SAP18: variants seen among roughly 807,000 people sequenced by gnomAD.
The protein encoded by SAP18 is Sin3A associated protein 18.
SAP18 carries 4 observed loss-of-function variants against 18.6 expected under a neutral mutation model. The ratio of observed to expected loss-of-function variants is 0.21; its 90% CI spans 0.11 to 0.49. SAP18 has a LOEUF of 0.49. SAP18 is among the 20% of genes least tolerant of loss of function. SAP18 has a pLI of 0.98. For synonymous variants in SAP18, 112 were observed against 82.8 expected, an observed-to-expected ratio of 1.35 and a Z score of -1.92; for missense variants, 170 against 226.4, an observed-to-expected ratio of 0.75 and a Z score of 1.60.
At chr13:21,142,516 A>G (rs911724448) in intron 2 of SAP18, among the ~76,000 whole-genome samples, 4 of 151,346 alleles carry the variant, frequency 2.6e-5, no homozygotes, top group East Asian at 2.0e-4. Flanking sequence ...TAGTAGAGAC[A>G]GGGTTTCACC....
At chr13:21,140,534 C>G (rs1017859131) in exon 1 of SAP18, 6 of 1,566,856 alleles carry the variant, frequency 3.8e-6, no homozygotes, top group African/African-American at 1.4e-5. Flanking sequence ...AGCTTCTCCT[C>G]GCGAGAGACT....
At position 21,146,786 on chromosome 13, in the gene SAP18, T is replaced by C; in HGVS notation, c.240-19T>C. On this transcript the variant is annotated intron_variant, in intron 2 of 3. Transcript: ENST00000621421. The stretch of plus-strand genomic sequence containing the variant: ...TGATTAATAAGCAAATGTAAATGTC[T>C]TTTTTAAAAAAAATCCAGGATGGAT... 3 of 1,572,038 alleles carry C rather than the reference T, an allele frequency of 1.9e-6. No individual in the cohort carries two copies. The highest frequency in any genetic ancestry group is 1.7e-6 in the Non-Finnish European group (2 of 1,161,250).
rs758919465 is a variant in SAP18, at chr13:21,140,686, A to ATAAC, written c.129+5_129+6insTAAC. ...AAACCGATCGACCGCGAGAAGGTGA[A>ATAAC]GGCCCCCTCCGCTTTGGGGTCCGGG... On this transcript the variant is annotated splice_donor_region_variant and intron_variant, in intron 1 of 3. Coordinates refer to ENST00000621421, the Ensembl canonical transcript of SAP18. 1.2e-6 allele frequency: 2 copies of ATAAC among 1,610,018 alleles called. No individual in the cohort carries two copies.
At chr13:21,140,569 T>G (rs374776695) in exon 1 of SAP18, 3 of 1,600,250 alleles carry the variant, frequency 1.9e-6, no homozygotes, top group Non-Finnish European at 2.6e-6. Context: ...GCTGCAGGGG[T>G]CGGAGGTCAG....
chr13:21,143,576 A>G (rs555882939), intron 2 of SAP18, among the ~76,000 whole-genome samples: 1 of 152,276 alleles, frequency 6.6e-6, no homozygotes, highest in South Asian at 2.1e-4. Context: ...AAGAGTTCCT[A>G]TTTGCCAGGT....
intron 2 of SAP18, among the ~76,000 whole-genome samples, chr13:21,143,700 G>A (rs1337799393): frequency 6.6e-6 from 1 of 152,086 alleles, no homozygotes; most frequent in Non-Finnish European, 1.5e-5. Flanking sequence ...GGGTTAAAAT[G>A]GCAGGGTGAG....
At chr13:21,140,936 C>T (rs1869443093) in exon 2 of SAP18, 2 of 1,613,914 alleles carry the variant, frequency 1.2e-6, no homozygotes, top group African/African-American at 2.7e-5. Flanking sequence ...GCCGCCACCA[C>T]CGAATGGACG....
At chr13:21,146,457 A>G (rs748097750) in intron 2 of SAP18, 10 of 167,756 alleles carry the variant, frequency 6.0e-5, no homozygotes, top group Non-Finnish European at 1.3e-4. Context: ...CTAATGGGAT[A>G]CATCTATTTT....
intron 3 of SAP18, 26 bp from the exon 4 acceptor site, chr13:21,147,160 T>G (rs1869678406): frequency 1.0e-5 from 16 of 1,601,086 alleles, no homozygotes; most frequent in African/African-American, 1.3e-5. Context: ...TTTGGATCCA[T>G]TAACAGTTGA....
At chr13:21,147,555 C>G (rs142661589) in exon 4 of SAP18, 6 of 537,922 alleles carry the variant, frequency 1.1e-5, no homozygotes, top group Non-Finnish European at 3.3e-6. Flanking sequence ...GAAAAGTGCT[C>G]TTAGCATTCT....
intron 2 of SAP18, among the ~76,000 whole-genome samples, chr13:21,143,211 A>G (rs544596034): frequency 2.3e-4 from 35 of 152,332 alleles, no homozygotes; most frequent in African/African-American, 7.9e-4. Context: ...CGCTGCTTTC[A>G]GTTCTTTTGG....
chr13:21,145,894 CAG>C (rs1167099491), intron 2 of SAP18, among the ~76,000 whole-genome samples: 11 of 152,130 alleles, frequency 7.2e-5, no homozygotes, highest in African/African-American at 2.2e-4. Flanking sequence ...CTTATTAGCT[CAG>C]GGGACTATAT....
chr13:21,141,253 A>G (rs944808602), intron 2 of SAP18: 12 of 531,274 alleles, frequency 2.3e-5, no homozygotes, highest in Non-Finnish European at 4.1e-5. Context: ...TGTCACTGTT[A>G]TGGCTGCTAG....
intron 2 of SAP18, chr13:21,141,342 C>G: frequency 3.2e-6 from 1 of 314,302 alleles, no homozygotes; most frequent in South Asian, 3.2e-5. Context: ...TGCACTAGGA[C>G]AACATGGTAA....
rs114374086 is a variant in SAP18 at position 21,144,002 on chromosome 13, A to C, written c.240-2803A>C. On this transcript the variant is annotated intron_variant, in intron 2 of 3. Coordinates refer to ENST00000621421, the Ensembl canonical transcript of SAP18. ...GGGGTTAAATAGGCAGTCCCAAGAG[A>C]AGTTATGGAAACAGGAGTGGAAGTC... Among the ~76,000 whole-genome samples the C allele has an allele frequency of 5.6e-3, 854 of 152,306 alleles. 11 individuals carry two copies. The highest frequency in any genetic ancestry group is 0.02 in the African/African-American group (818 of 41,556).
intron 2 of SAP18, among the ~76,000 whole-genome samples, chr13:21,146,228 TC>T (rs1043352864): frequency 1.3e-5 from 2 of 152,108 alleles, no homozygotes; most frequent in African/African-American, 4.8e-5. Flanking sequence ...GCGTCTGTAA[TC>T]CCAGCTACTC....
At chr13:21,148,777 C>A (rs556603494) in exon 4 of SAP18, 1 of 151,998 alleles carries the variant, frequency 6.6e-6, no homozygotes, top group Non-Finnish European at 1.5e-5. Flanking sequence ...TGGGGGGGAA[C>A]CCTATGATTT....
chr13:21,145,678 A>G (rs1038421906), intron 2 of SAP18, among the ~76,000 whole-genome samples: 8 of 152,172 alleles, frequency 5.3e-5, no homozygotes, highest in Admixed American at 2.0e-4. Context: ...ACGCCTGGCT[A>G]ATTTTTGGAT....
chr13:21,143,641 T>C (rs1006024388), intron 2 of SAP18, among the ~76,000 whole-genome samples: 1 of 152,170 alleles, frequency 6.6e-6, no homozygotes, highest in Non-Finnish European at 1.5e-5. Flanking sequence ...TGCTCCTCCC[T>C]GTAGTAAGTC....
Sources: gnomAD v4.1 joint callset for allele counts (sites outside exome capture counted in the v4.1 genomes callset) on GRCh38, gnomAD v4.1.1 for gene constraint, MANE v1.5 for transcripts, NCBI Gene and HGNC (gene_info 2026-07-23, HGNC 2026-07-21) for gene names.